Variants in VN1R4 observed in about 807,000 individuals in gnomAD.
The protein encoded by VN1R4 is vomeronasal type-1 receptor 4.
For synonymous variants in VN1R4, 97 were observed against 138.8 expected (o/e 0.70, Z 2.12); for missense variants, 291 against 364.2 (o/e 0.80, Z 1.64).
At chr19:53,266,843 C>T (rs779095995) in exon 1 of VN1R4, 8 of 1,614,194 alleles carry the variant, frequency 5.0e-6, no homozygotes, top group Non-Finnish European at 6.8e-6. Context: ...GGGAAACATA[C>T]ACTCATTAAG....
exon 1 of VN1R4, chr19:53,267,128 G>T (rs764126508): frequency 1.9e-6 from 3 of 1,611,230 alleles, no homozygotes; most frequent in East Asian, 2.2e-5. Context: ...AACATTGCAC[G>T]CAGTGTCTGT....
chr19:53,267,272 G>A lies in VN1R4; in HGVS notation c.394C>T (p.Leu132Phe). Reference sequence around the variant, plus strand: ...AACATGCACACGATCCAGCACAGGAGAACAGAAAAGCCAACATGCTTGGGG... The same window carrying A: ...AACATGCACACGATCCAGCACAGGAAAACAGAAAAGCCAACATGCTTGGGG... Residue 132 changes from leucine (L) to phenylalanine (F), a missense_variant, in exon 1 of 1, where the codon CTC (leucine) becomes TTC (phenylalanine). Coordinates refer to ENST00000311170, the Ensembl canonical transcript of VN1R4. The A allele has an allele frequency of 4.3e-6, 7 of 1,613,664 alleles. No individual in the cohort carries two copies. The highest frequency in any genetic ancestry group is 5.9e-6 in the Non-Finnish European group (7 of 1,179,832).
exon 1 of VN1R4, chr19:53,266,993 C>T (rs767207068): frequency 6.2e-7 from 1 of 1,602,870 alleles, no homozygotes; most frequent in Non-Finnish European, 8.5e-7. Flanking sequence ...TCTGGGGAGG[C>T]TCTGGGGGAG....
At chr19:53,266,774 C>T (rs2091349963) in exon 1 of VN1R4, 1 of 1,601,222 alleles carries the variant, frequency 6.2e-7, no homozygotes, top group Admixed American at 1.8e-5. Flanking sequence ...CTTTTCCAGG[C>T]AAAACAAAAC....
At chr19:53,267,032 G>A (rs778050672) in exon 1 of VN1R4, 7 of 1,612,588 alleles carry the variant, frequency 4.3e-6, no homozygotes, top group African/African-American at 4.1e-5. Context: ...TGCTGGACCC[G>A]CTGCTTGTGC....
At chr19:53,267,117 C>T (rs1259542997) in exon 1 of VN1R4, 1 of 1,612,334 alleles carries the variant, frequency 6.2e-7, no homozygotes, top group South Asian at 1.1e-5. Flanking sequence ...GGAATGATAA[C>T]AACATTGCAC....
chr19:53,266,938 A>G, exon 1 of VN1R4: 1 of 1,613,634 alleles, frequency 6.2e-7, no homozygotes, highest in South Asian at 1.1e-5. Flanking sequence ...GTAAGAAGAC[A>G]CAAAGGTGCT....
At chr19:53,267,536 A>C in exon 1 of VN1R4, 1 of 1,614,032 alleles carries the variant, frequency 6.2e-7, no homozygotes, top group Non-Finnish European at 8.5e-7. Flanking sequence ...TTAACAATCA[A>C]ATCTGTGGAC....
chr19:53,267,051 T>C (rs142023427), exon 1 of VN1R4: 1 of 1,608,158 alleles, frequency 6.2e-7, no homozygotes, highest in Non-Finnish European at 8.5e-7. Context: ...GCCTGTGCAG[T>C]ATGCAAACCA....
chr19:53,267,078 G>C (rs1236561719), exon 1 of VN1R4: 2 of 1,613,268 alleles, frequency 1.2e-6, no homozygotes, highest in East Asian at 2.2e-5. Flanking sequence ...TGCTGACCCA[G>C]AGCATGAGCC....
At chr19:53,267,239 T>G (rs368411432) in exon 1 of VN1R4, 2 of 1,609,836 alleles carry the variant, frequency 1.2e-6, no homozygotes, top group Non-Finnish European at 1.7e-6. Context: ...GGAAAGATGA[T>G]GTTTACCAAC....
chr19:53,266,974 G>C (rs1459664295), exon 1 of VN1R4: 1 of 1,607,552 alleles, frequency 6.2e-7, no homozygotes, highest in Non-Finnish European at 8.5e-7. Flanking sequence ...GCTCTGCGTA[G>C]CTCTGTTCTC....
exon 1 of VN1R4, chr19:53,267,258 G>A (rs780607995): frequency 1.4e-5 from 23 of 1,612,626 alleles, no homozygotes; most frequent in African/African-American, 4.0e-5. Flanking sequence ...ACATGCACAC[G>A]ATCCAGCACA....
chr19:53,267,623 T>C (rs765759026), exon 1 of VN1R4: 1 of 1,612,304 alleles, frequency 6.2e-7, no homozygotes, highest in Non-Finnish European at 8.5e-7. Context: ...CCCACCACGG[T>C]CTGTGATAAG....
At chr19:53,267,608 G>A in exon 1 of VN1R4, 1 of 1,613,358 alleles carries the variant, frequency 6.2e-7, no homozygotes. Context: ...AAGCTCCCCA[G>A]GACTCCCACC....
chr19:53,266,728 G>A, exon 1 of VN1R4: 2 of 1,551,974 alleles, frequency 1.3e-6, no homozygotes, highest in South Asian at 2.5e-5. Flanking sequence ...TATATACAAT[G>A]TACATGTTTA....
chr19:53,267,227 T>C (rs762835835), exon 1 of VN1R4: 3 of 1,610,364 alleles, frequency 1.9e-6, no homozygotes, highest in Non-Finnish European at 2.5e-6. Flanking sequence ...GTCACATACA[T>C]GGGAAAGATG....
rs142658822 is a variant in VN1R4 at position 53,267,621 on chromosome 19, G to A, written c.45C>T (p.Thr15=). 53 of 1,612,444 alleles carry A rather than the reference G, an allele frequency of 3.3e-5. No homozygotes were observed. In the African/African-American group the frequency reaches 5.3e-4, roughly 16 times the overall value. ...AGAAGCTCCCCAGGACTCCCACCAC[G>A]GTCTGTGATAAGATCATTCCCACTG... is the stretch of plus-strand genomic sequence containing the variant. The change falls in exon 1 of 1, where the codon ACC becomes ACT. Residue 15 remains threonine, a synonymous_variant. Transcript: ENST00000311170.
At chr19:53,267,377 T>C in exon 1 of VN1R4, 1 of 1,613,542 alleles carries the variant, frequency 6.2e-7, no homozygotes, top group South Asian at 1.1e-5. Context: ...AGGCAGGTGG[T>C]GCCAATGGAC....
Sources: allele counts gnomAD v4.1 joint callset, GRCh38; gene constraint gnomAD v4.1.1; transcripts MANE v1.5; gene names NCBI Gene and HGNC (gene_info 2026-07-23, HGNC 2026-07-21).